The following CDC7 variants were observed in gnomAD, a reference collection of about 807,000 sequenced individuals.
CDC7 encodes the protein cell division cycle 7.
A neutral mutation model predicts 53.5 loss-of-function variants in CDC7; 34 were observed. That is an observed-to-expected ratio of 0.64 (90% confidence interval 0.48 to 0.85). CDC7 has a LOEUF of 0.85. Among genes scored for constraint, CDC7 ranks in the 40% least tolerant of loss-of-function variants. The probability of loss-of-function intolerance (pLI) is 0.00; values close to 1 mark genes in which losing one functional copy is unlikely to be tolerated. For missense variants in CDC7, 594 were observed against 679.7 expected (o/e 0.87, Z 1.40); for synonymous variants, 211 against 222.8 (o/e 0.95, Z 0.47).
intron 11 of CDC7, 147 bp from the exon 12 acceptor site, chr1:91,523,894 C>CTG (rs56282166): frequency 3.6e-4 from 203 of 556,774 alleles, no homozygotes; most frequent in African/African-American, 2.4e-3. Context: ...CTATCTCATA[C>CTG]TGTGTGTGTG....
chr1:91,501,221 G>A (rs1021683861), intron 1 of CDC7: 1 of 154,046 alleles, frequency 6.5e-6, no homozygotes, highest in Non-Finnish European at 1.4e-5. Flanking sequence ...CCCAGTACTC[G>A]TGGCCAGGGT....
intron 6 of CDC7, 148 bp from the exon 7 acceptor site, chr1:91,512,910 A>ATTT: frequency 4.4e-6 from 3 of 686,178 alleles, no homozygotes; most frequent in Non-Finnish European, 7.2e-6. Flanking sequence ...TGGAAAACTT[A>ATTT]TTTTTTTTTC....
intron 8 of CDC7, 56 bp downstream of exon 8, chr1:91,514,099 T>A: frequency 9.5e-6 from 11 of 1,155,124 alleles, no homozygotes; most frequent in Non-Finnish European, 1.3e-5. Flanking sequence ...TGAAGAGAAT[T>A]TAGGTAATAA....
At position 91,504,434 on chromosome 1, in the gene CDC7, A is replaced by G. The variant is rs555470382; in HGVS notation, c.115+2603A>G. On this transcript the variant is annotated intron_variant, in intron 2 of 11. Transcript: ENST00000234626. ...AGTAAGCTTTTATTTTTTTTTAAGT[A>G]TCTACTATATGCCAAGTTTTAATAA... 5.3e-5 allele frequency among the ~76,000 whole-genome samples: 8 copies of G among 152,024 alleles called. No homozygotes were observed. The South Asian group carries it at 1.7e-3, about 32-fold the overall frequency.
chr1:91,508,009 G>A (rs1340819954), intron 3 of CDC7, 72 bp downstream of exon 3: 1 of 1,246,994 alleles, frequency 8.0e-7, no homozygotes, highest in Non-Finnish European at 1.1e-6. Flanking sequence ...TTTAGTCTTG[G>A]TTTTCATTAC....
At chr1:91,502,044 G>A (rs980596859) in intron 2 of CDC7, among the ~76,000 whole-genome samples, 1 of 152,178 alleles carries the variant, frequency 6.6e-6, no homozygotes, top group Non-Finnish European at 1.5e-5. Flanking sequence ...GGTTGAAGTT[G>A]CTATGGTCTC....
chr1:91,501,881 C>A, intron 2 of CDC7, 50 bp downstream of exon 2: 1 of 1,298,196 alleles, frequency 7.7e-7, no homozygotes, highest in South Asian at 1.2e-5. Context: ...TTTCAGGCAA[C>A]AATTCTGTGT....
chr1:91,520,259 T>TCCAA lies in CDC7; in HGVS notation c.1311_1314dup (p.Ala439ProfsTer4), dbSNP rs1338482385. On this transcript the variant is annotated frameshift_variant, in exon 11 of 12. Transcript: ENST00000234626. LOFTEE classifies it low-confidence loss of function (END_TRUNC). ...ACAATTAGGGGATCCAGAGAAACTA[T>TCCAA]CCAAGCTGCTAAAACTTTTGGTAAG... 13 of 1,601,254 alleles carry TCCAA rather than the reference T, an allele frequency of 8.1e-6. No homozygotes were observed. Among genetic ancestry groups the TCCAA allele is most frequent in the African/African-American group, 1.3e-5 (1 of 74,304 alleles).
rs780306364 is a variant in CDC7 at position 91,513,269 on chromosome 1, A to G, written c.784A>G (p.Asn262Asp). 16 of 1,613,342 alleles carry G rather than the reference A, an allele frequency of 9.9e-6. No homozygotes were observed. The highest frequency in any genetic ancestry group is 9.9e-5 in the South Asian group (9 of 91,068). Residue 262 changes from asparagine to aspartate, a missense_variant, in exon 7 of 12, where the codon AAT becomes GAT. Physicochemically the swap from Asn to Asp is conservative, Grantham distance 23. Transcript: ENST00000234626. ...TKASVKRPYT[N>D]AQIQIKQGKD... ...AGCTTCTGTTAAAAGACCCTACACA[A>G]ATGCACAAATTCAGATTAAACAAGG...
rs1256187216 is a variant in CDC7 at position 91,500,958 on chromosome 1, C to G, written c.-64+10C>G. 6.6e-6 allele frequency: 1 copy of G among 152,224 alleles called. No individual in the cohort carries two copies. Among genetic ancestry groups the G allele is most frequent in the East Asian group, 1.9e-4 (1 of 5,178 alleles). The allele number at this position is 152,224 out of a possible 1,614,324, so 9.4% of individuals were successfully genotyped here. A position where few individuals can be genotyped will look rare whatever the true frequency, so the allele number is the denominator to read the frequency against. On this transcript the variant is annotated intron_variant, in intron 1 of 11. Coordinates refer to ENST00000234626, the MANE Select transcript of CDC7 (RefSeq NM_003503.4). ...CGTACTCCCTTAAACCGTGAGTTTC[C>G]GACGGTTTGTTCCATGGCGCGGGAT...
In CDC7 at chr1:91,524,295, A is replaced by G; in HGVS notation, c.1585A>G (p.Asn529Asp). 1.2e-6 allele frequency: 2 copies of G among 1,614,100 alleles called. No homozygotes were observed. The highest frequency in any genetic ancestry group is 1.7e-6 in the Non-Finnish European group (2 of 1,179,960). The change falls in exon 12 of 12, where the codon AAT becomes GAT. Residue 529 changes from asparagine (N) to aspartate (D), a missense_variant. Physicochemically the swap from Asn to Asp is conservative, Grantham distance 23 (BLOSUM62 1). Coordinates refer to ENST00000234626, the MANE Select transcript of CDC7 (RefSeq NM_003503.4). Reference sequence around the variant, plus strand: ...CTGTGAGCATTGTTTTGATGAGTATAATACCAATTTAGAAGGCTGGAATGA... The same window carrying G: ...CTGTGAGCATTGTTTTGATGAGTATGATACCAATTTAGAAGGCTGGAATGA... ...NSCEHCFDEY[N>D]TNLEGWNEVP...
chr1:91,514,785 A>C, intron 8 of CDC7, 34 bp from the exon 9 acceptor site: 2 of 1,510,814 alleles, frequency 1.3e-6, no homozygotes, highest in East Asian at 2.3e-5. Flanking sequence ...GTTTAATATC[A>C]TGAAAATAGA....
rs1480327483 is a variant in CDC7, at chr1:91,525,022, A to G, written c.*587A>G. ...CCATTTTTAAAAAACACTTCATGAA[A>G]GCATTCTGGTGTGAATTGCCATTTT... On this transcript the variant is annotated 3_prime_UTR_variant, in exon 12 of 12. Coordinates refer to ENST00000234626, the MANE Select transcript of CDC7 (RefSeq NM_003503.4). 1 of 152,180 alleles carries G rather than the reference A, an allele frequency of 6.6e-6. No individual in the cohort carries two copies. The highest frequency in any genetic ancestry group is 1.5e-5 in the Non-Finnish European group (1 of 68,012). 9.4% of individuals were successfully genotyped at this position (152,180 alleles called of 1,614,324 possible).
intron 11 of CDC7, among the ~76,000 whole-genome samples, chr1:91,523,012 G>A (rs1323703289): frequency 6.6e-6 from 1 of 152,154 alleles, no homozygotes; most frequent in African/African-American, 2.4e-5. Flanking sequence ...AATAATACAT[G>A]ATTGCCATTT....
chr1:91,516,121 T>C lies in CDC7; in HGVS notation c.1180+245T>C, dbSNP rs534747769. ...TTCCATAGATTACATTTTGCGTATT[T>C]ATTTACAAGATGATCTTACCATCTT... On this transcript the variant is annotated intron_variant, in intron 10 of 11. Coordinates refer to ENST00000234626, the MANE Select transcript of CDC7 (RefSeq NM_003503.4). 7.5e-4 allele frequency among the ~76,000 whole-genome samples: 114 copies of C among 152,120 alleles called. 1 individual carries two copies. The highest frequency in any genetic ancestry group is 3.4e-3 in the Middle Eastern group (1 of 294).
chr1:91,508,870 C>A (rs1667122096), intron 4 of CDC7, among the ~76,000 whole-genome samples: 1 of 152,192 alleles, frequency 6.6e-6, no homozygotes. Flanking sequence ...CCTGCTCCAT[C>A]ATTTCTTTGT....
At chr1:91,519,129 AAT>A (rs367749067) in intron 10 of CDC7, among the ~76,000 whole-genome samples, 73 of 151,924 alleles carry the variant, frequency 4.8e-4, no homozygotes, top group African/African-American at 1.6e-3. Flanking sequence ...TATAGTCAGT[AAT>A]TTAATTGTGC....
rs183427306 is a variant in CDC7 at position 91,509,771 on chromosome 1, C to A, written c.335+1374C>A. Reference sequence around the variant, plus strand: ...TATGTACTTTGAAAAAAAAATTCAACCTTCTCATGCCTATCTTCCCACCTC... The same window carrying A: ...TATGTACTTTGAAAAAAAAATTCAAACTTCTCATGCCTATCTTCCCACCTC... On this transcript the variant is annotated intron_variant, in intron 4 of 11. Coordinates refer to ENST00000234626, the MANE Select transcript of CDC7 (RefSeq NM_003503.4). 6.6e-4 allele frequency among the ~76,000 whole-genome samples: 101 copies of A among 152,280 alleles called. No individual in the cohort carries two copies. The East Asian group carries it at 0.016, about 24-fold the overall frequency.
chr1:91,524,422 A>G lies in CDC7; in HGVS notation c.1712A>G (p.Asp571Gly), dbSNP rs201568006. 1.8e-4 allele frequency: 296 copies of G among 1,604,644 alleles called. No individual in the cohort carries two copies. Among genetic ancestry groups the G allele is most frequent in the Non-Finnish European group, 2.1e-4 (246 of 1,178,208 alleles). Residue 571 changes from aspartate to glycine, a missense_variant, in exon 12 of 12, where the codon GAT becomes GGT. Physicochemically the swap from Asp to Gly is moderately conservative, Grantham distance 94 (BLOSUM62 -1). Transcript: ENST00000234626. ...EEALLHPFFK[D>G]MSL is the part of the protein sequence containing the mutation. ...GCTTTGTTGCATCCATTTTTTAAAGATATGAGCTTGTGATAATGGATCTTC... is the reference window on the plus strand; with the variant it reads ...GCTTTGTTGCATCCATTTTTTAAAGGTATGAGCTTGTGATAATGGATCTTC...
Sources: gnomAD v4.1 joint callset for allele counts (sites outside exome capture counted in the v4.1 genomes callset) on GRCh38, gnomAD v4.1.1 for gene constraint, MANE v1.5 for transcripts, NCBI Gene and HGNC (gene_info 2026-07-23, HGNC 2026-07-21) for gene names.